Variants in MACROD2 observed in about 807,000 individuals in gnomAD.
MACROD2 encodes mono-ADP ribosylhydrolase 2.
In MACROD2, 36 loss-of-function variants were observed where a neutral mutation model predicts 70.4. That is an observed-to-expected ratio of 0.51 (90% CI 0.39 to 0.68). The LOEUF is 0.68. MACROD2 is among the 30% of genes least tolerant of loss of function. MACROD2 has a pLI of 0.00. For synonymous variants in MACROD2, 172 were observed against 178.8 expected (o/e 0.96, Z 0.30); for missense variants, 496 against 538.4 (o/e 0.92, Z 0.78).
At position 14,537,745 on chromosome 20, in the gene MACROD2, C is replaced by G. The variant is rs73256973; in HGVS notation, c.301+44237C>G. Reference sequence around the variant, plus strand: ...AGCTCATCTACTTGTCTCAAACCAACTAAATGACCAAAAGGAAAAGTTGGA... The same window carrying G: ...AGCTCATCTACTTGTCTCAAACCAAGTAAATGACCAAAAGGAAAAGTTGGA... On this transcript the variant is annotated intron_variant, in intron 4 of 17. Coordinates refer to ENST00000684519, the MANE Select transcript of MACROD2 (RefSeq NM_001351661.2). 2.5e-3 allele frequency among the ~76,000 whole-genome samples: 374 copies of G among 152,270 alleles called. 2 individuals are homozygous for G. Among genetic ancestry groups the G allele is most frequent in the African/African-American group, 8.6e-3 (357 of 41,538 alleles).
At chr20:15,835,670 G>A (rs1208938298) in intron 8 of MACROD2, among the ~76,000 whole-genome samples, 2 of 152,068 alleles carry the variant, frequency 1.3e-5, no homozygotes, top group Non-Finnish European at 2.9e-5. Context: ...ACATGTATGT[G>A]AAATATTATG....
intron 15 of MACROD2, among the ~76,000 whole-genome samples, chr20:15,988,029 A>G (rs529217151): frequency 2.6e-5 from 4 of 152,294 alleles, no homozygotes; most frequent in African/African-American, 9.6e-5. Context: ...CATGATCTCA[A>G]TTGTAAAATC....
At chr20:14,047,389 A>G (rs1176901425) in intron 2 of MACROD2, among the ~76,000 whole-genome samples, 1 of 139,276 alleles carries the variant, frequency 7.2e-6, no homozygotes, top group African/African-American at 2.7e-5. Flanking sequence ...TGAGAGGTGG[A>G]GGTTGCAGTG....
intron 3 of MACROD2, among the ~76,000 whole-genome samples, chr20:14,165,028 C>A (rs1049429445): frequency 4.6e-5 from 7 of 152,114 alleles, no homozygotes; most frequent in African/African-American, 1.7e-4. Flanking sequence ...CTGGCAGAGG[C>A]TGCTGCAGGC....
chr20:15,477,572 G>C (rs2047039696), intron 7 of MACROD2, among the ~76,000 whole-genome samples: 1 of 152,116 alleles, frequency 6.6e-6, no homozygotes, highest in Non-Finnish European at 1.5e-5. Context: ...AGGGAGAAAG[G>C]AGGGAGAGAG....
At chr20:15,532,997 A>C (rs2047825352) in intron 8 of MACROD2, among the ~76,000 whole-genome samples, 1 of 152,146 alleles carries the variant, frequency 6.6e-6, no homozygotes, top group Non-Finnish European at 1.5e-5. Context: ...TTGTTTAATT[A>C]ATCTGTGTTT....
At chr20:15,310,961 C>G (rs547525203) in intron 6 of MACROD2, among the ~76,000 whole-genome samples, 1 of 151,994 alleles carries the variant, frequency 6.6e-6, no homozygotes, top group African/African-American at 2.4e-5. Flanking sequence ...AAATAGTGGT[C>G]GGCATTGTTT....
intron 5 of MACROD2, among the ~76,000 whole-genome samples, chr20:14,938,687 G>A (rs1363421827): frequency 5.9e-5 from 9 of 151,982 alleles, no homozygotes; most frequent in Middle Eastern, 3.2e-3. Flanking sequence ...AGGCTGGGGC[G>A]GGAGGATCAC....
At chr20:15,307,921 G>C (rs901751483) in intron 6 of MACROD2, among the ~76,000 whole-genome samples, 11 of 150,646 alleles carry the variant, frequency 7.3e-5, no homozygotes, top group South Asian at 2.1e-4. Context: ...CCCTAATTTT[G>C]ATCTTAGGAT....
At chr20:14,157,209 C>A (rs552711261) in intron 3 of MACROD2, among the ~76,000 whole-genome samples, 1 of 152,188 alleles carries the variant, frequency 6.6e-6, no homozygotes, top group African/African-American at 2.4e-5. Context: ...GGTATAGTAG[C>A]GCTGAATTCT....
At chr20:14,526,766 C>T (rs565672127) in intron 4 of MACROD2, among the ~76,000 whole-genome samples, 2 of 152,316 alleles carry the variant, frequency 1.3e-5, no homozygotes, top group African/African-American at 4.8e-5. Context: ...TACAAACTGA[C>T]AGGCTGTGGG....
chr20:14,486,196 G>A (rs530546601), intron 3 of MACROD2, among the ~76,000 whole-genome samples: 3 of 152,292 alleles, frequency 2.0e-5, no homozygotes, highest in South Asian at 4.1e-4. Context: ...GACAAGGAGA[G>A]GGGGAGGATG....
chr20:14,747,843 A>G (rs2071819471), intron 5 of MACROD2, among the ~76,000 whole-genome samples: 1 of 151,780 alleles, frequency 6.6e-6, no homozygotes, highest in African/African-American at 2.4e-5. Flanking sequence ...TTCTAGAAGA[A>G]GGGATGTCAA....
intron 2 of MACROD2, among the ~76,000 whole-genome samples, chr20:14,020,035 G>A (rs1004174281): frequency 6.6e-6 from 1 of 152,158 alleles, no homozygotes. Flanking sequence ...GCCATGCCTA[G>A]GAATGACCAA....
intron 5 of MACROD2, among the ~76,000 whole-genome samples, chr20:14,883,905 C>A (rs1427436737): frequency 1.3e-5 from 2 of 151,958 alleles, no homozygotes; most frequent in East Asian, 3.9e-4. Flanking sequence ...ATTTTTTAAG[C>A]AAGCTTCTGG....
At chr20:15,939,680 A>G (rs542222433) in intron 12 of MACROD2, among the ~76,000 whole-genome samples, 74 of 152,030 alleles carry the variant, frequency 4.9e-4, no homozygotes, top group African/African-American at 1.7e-3. Flanking sequence ...AAGTCTTTCT[A>G]TTTAAGAAAT....
rs537295289 is a variant in MACROD2, at chr20:14,834,155, C to G, written c.418+149196C>G. Among the ~76,000 whole-genome samples, 21 of 151,468 alleles carry G rather than the reference C, an allele frequency of 1.4e-4. 1 individual carries two copies. In the South Asian group the frequency reaches 4.4e-3, roughly 32 times the overall value. On this transcript the variant is annotated intron_variant, in intron 5 of 17. Transcript: ENST00000684519. ...TGCTTTTTGCATTTCTATGAAATAA[C>G]TGTTTAAAGGTTAGGAATAAAGGCC...
At chr20:14,557,358 A>G (rs1186528201) in intron 4 of MACROD2, among the ~76,000 whole-genome samples, 1 of 151,954 alleles carries the variant, frequency 6.6e-6, no homozygotes, top group Non-Finnish European at 1.5e-5. Flanking sequence ...TGACAACAAA[A>G]AGAAAGATAC....
rs763859444 is a variant in MACROD2 at position 14,326,004 on chromosome 20, A to C, written c.272-167475A>C. 8 of 1,613,790 alleles carry C rather than the reference A, an allele frequency of 5.0e-6. No individual in the cohort carries two copies. The highest frequency in any genetic ancestry group is 6.8e-6 in the Non-Finnish European group (8 of 1,179,866). On this transcript the variant is annotated intron_variant, in intron 3 of 17. Coordinates refer to ENST00000684519, the MANE Select transcript of MACROD2 (RefSeq NM_001351661.2). The surrounding 1 kb of genome is among the most constrained non-coding windows in gnomAD (Gnocchi z 5.5). Reference sequence around the variant, plus strand: ...TAGGGTTGTACATTCGAAGGGGTGCAGTTTCAGTCTCAATACAAACAGGAG... The same window carrying C: ...TAGGGTTGTACATTCGAAGGGGTGCCGTTTCAGTCTCAATACAAACAGGAG...
Sources: allele counts gnomAD v4.1 joint callset (sites outside exome capture counted in the v4.1 genomes callset), GRCh38; gene constraint gnomAD v4.1.1; non-coding constraint Gnocchi (gnomAD v3.1); transcripts MANE v1.5; gene names NCBI Gene and HGNC (gene_info 2026-07-23, HGNC 2026-07-21).